Variants in CYTH1 observed in about 807,000 individuals in gnomAD.
The protein encoded by CYTH1 is cytohesin-1.
CYTH1 carries 18 observed loss-of-function variants against 61.8 expected under a neutral mutation model. The observed-to-expected ratio is 0.29, with a 90% confidence interval of 0.20 to 0.43. CYTH1 has a LOEUF of 0.43. Ranked by LOEUF, CYTH1 falls within the 20% of genes least tolerant of loss-of-function variation. CYTH1 has a pLI of 1.00. For missense variants in CYTH1, 336 were observed against 510.5 expected (o/e 0.66, Z 3.29); for synonymous variants, 174 against 184.3 (o/e 0.94, Z 0.45).
intron 1 of CYTH1, among the ~76,000 whole-genome samples, chr17:78,742,581 G>A (rs2093345624): frequency 6.6e-6 from 1 of 152,080 alleles, no homozygotes; most frequent in African/African-American, 2.4e-5. Context: ...GGCCGGGTGT[G>A]CTGGCTCACG....
intron 10 of CYTH1, among the ~76,000 whole-genome samples, chr17:78,693,690 C>T (rs984293250): frequency 2.8e-4 from 43 of 151,164 alleles, no homozygotes; most frequent in Non-Finnish European, 5.2e-4. Context: ...CTGAGACAGA[C>T]ATGAAGGAAG....
At chr17:78,760,420 T>C (rs2093419371) in intron 1 of CYTH1, among the ~76,000 whole-genome samples, 1 of 79,466 alleles carries the variant, frequency 1.3e-5, no homozygotes, top group African/African-American at 5.2e-5. Context: ...TATATATATA[T>C]ATATACACAT....
rs186650009 is a variant in CYTH1, at chr17:78,777,379, C to T, written c.22+4823G>A. Reference sequence around the variant, plus strand: ...CTGGCAGTGAGCCGAGATTGCGCCACTGCACTCTAGCCTGGGCAACAGAGC... The same window carrying T: ...CTGGCAGTGAGCCGAGATTGCGCCATTGCACTCTAGCCTGGGCAACAGAGC... On this transcript the variant is annotated intron_variant, in intron 1 of 13. Transcript: ENST00000446868. Among the ~76,000 whole-genome samples the T allele has an allele frequency of 5.5e-3, 833 of 150,974 alleles. 12 individuals carry two copies. The highest frequency in any genetic ancestry group is 0.019 in the African/African-American group (789 of 41,132).
In CYTH1 at chr17:78,757,845, G is replaced by A. The variant is rs567558014; in HGVS notation, c.22+24357C>T. ...GGGAATTGCTTGAACCAGGGAGGTG[G>A]AGGTTGCAGTGAGCCAAGATCGCAC... On this transcript the variant is annotated intron_variant, in intron 1 of 13. Coordinates refer to ENST00000446868, the MANE Select transcript of CYTH1 (RefSeq NM_004762.6). Among the ~76,000 whole-genome samples the A allele has an allele frequency of 5.9e-5, 9 of 151,998 alleles. No homozygotes were observed. The East Asian group carries it at 1.7e-3, about 29-fold the overall frequency.
At chr17:78,690,435 A>AAAAAATT (rs2092871046) in intron 11 of CYTH1, among the ~76,000 whole-genome samples, 1 of 137,268 alleles carries the variant, frequency 7.3e-6, no homozygotes, top group Non-Finnish European at 1.5e-5. Context: ...AAAAAAAGAA[A>AAAAAATT]TGTATTTACT....
At chr17:78,720,978 C>T (rs566720433) in intron 1 of CYTH1, among the ~76,000 whole-genome samples, 4 of 152,302 alleles carry the variant, frequency 2.6e-5, no homozygotes, top group Admixed American at 6.5e-5. Context: ...TTGACTTTTG[C>T]GTAGTGCATT....
chr17:78,734,567 G>A (rs542587832), intron 1 of CYTH1, among the ~76,000 whole-genome samples: 47 of 149,488 alleles, frequency 3.1e-4, no homozygotes, highest in Admixed American at 1.7e-3. Context: ...CAGCCTCCAA[G>A]TAGCTGGGAT....
chr17:78,686,774 ATTAAT>A (rs1347469637), intron 11 of CYTH1, among the ~76,000 whole-genome samples: 3 of 151,992 alleles, frequency 2.0e-5, no homozygotes, highest in African/African-American at 4.8e-5. Context: ...TTTTAAGTTA[ATTAAT>A]TTATTTATTT....
chr17:78,689,504 A>G (rs1187073259), intron 11 of CYTH1, among the ~76,000 whole-genome samples: 2 of 152,102 alleles, frequency 1.3e-5, no homozygotes, highest in African/African-American at 4.8e-5. Context: ...CAGGATGTGG[A>G]GCTCAGGAGG....
chr17:78,744,845 C>CAA (rs3038702), intron 1 of CYTH1, among the ~76,000 whole-genome samples: 279 of 98,124 alleles, frequency 2.8e-3, no homozygotes, highest in Middle Eastern at 0.017. Flanking sequence ...GATTAGATGT[C>CAA]AAAAAAAAAA....
intron 1 of CYTH1, among the ~76,000 whole-genome samples, chr17:78,731,661 G>A (rs2093294881): frequency 6.6e-6 from 1 of 151,646 alleles, no homozygotes; most frequent in South Asian, 2.1e-4. Context: ...GGGAGGCTGA[G>A]GCAGGAGAAT....
At chr17:78,696,271 G>A (rs2092937423) in intron 9 of CYTH1, among the ~76,000 whole-genome samples, 1 of 152,228 alleles carries the variant, frequency 6.6e-6, no homozygotes, top group Non-Finnish European at 1.5e-5. Context: ...GGCACTACTG[G>A]AAACCTGGCC....
At chr17:78,758,271 T>C (rs1437753964) in intron 1 of CYTH1, among the ~76,000 whole-genome samples, 1 of 152,234 alleles carries the variant, frequency 6.6e-6, no homozygotes, top group African/African-American at 2.4e-5. Flanking sequence ...CAAGCATCCC[T>C]GCATGTCCTT....
chr17:78,741,258 G>A (rs2093340780), intron 1 of CYTH1, among the ~76,000 whole-genome samples: 1 of 152,146 alleles, frequency 6.6e-6, no homozygotes, highest in Admixed American at 6.6e-5. Flanking sequence ...AACTAGGCTG[G>A]GAGTTGTGGT....
intron 1 of CYTH1, among the ~76,000 whole-genome samples, chr17:78,781,228 T>C (rs2093516304): frequency 6.6e-6 from 1 of 151,872 alleles, no homozygotes; most frequent in Non-Finnish European, 1.5e-5. Flanking sequence ...TTGGGTTCCA[T>C]TTGGCCACAG....
chr17:78,694,646 A>G (rs1237823586), intron 10 of CYTH1, among the ~76,000 whole-genome samples: 3 of 152,172 alleles, frequency 2.0e-5, no homozygotes, highest in Admixed American at 1.3e-4. Context: ...ACATCAACCC[A>G]TGCTGACCTC....
intron 2 of CYTH1, 62 bp downstream of exon 2, chr17:78,709,588 C>G (rs1476118646): frequency 6.4e-7 from 1 of 1,571,424 alleles, no homozygotes; most frequent in Non-Finnish European, 8.8e-7. Flanking sequence ...GACACCCTTT[C>G]ATACAAATGG....
intron 1 of CYTH1, among the ~76,000 whole-genome samples, chr17:78,732,991 G>A (rs908678517): frequency 1.3e-5 from 2 of 148,892 alleles, no homozygotes. Flanking sequence ...GGAGCCTGAG[G>A]CAGGAGAATC....
intron 1 of CYTH1, among the ~76,000 whole-genome samples, chr17:78,726,412 T>C (rs1382579328): frequency 6.6e-6 from 1 of 150,822 alleles, no homozygotes; most frequent in African/African-American, 2.5e-5. Flanking sequence ...AGAGGCCCCC[T>C]GTCAGTTACT....
Sources: gnomAD v4.1 joint callset for allele counts (sites outside exome capture counted in the v4.1 genomes callset) on GRCh38, gnomAD v4.1.1 for gene constraint, MANE v1.5 for transcripts, NCBI Gene and HGNC (gene_info 2026-07-23, HGNC 2026-07-21) for gene names.